The following ARHGAP8 variants were observed in gnomAD, a reference collection of about 807,000 sequenced individuals.
ARHGAP8 encodes the protein rho GTPase-activating protein 8.
A neutral mutation model predicts 46.1 loss-of-function variants in ARHGAP8; 62 were observed. The observed-to-expected ratio is 1.34, with a 90% CI of 1.10 to 1.66. The LOEUF is 1.66. ARHGAP8 is among the 40% of genes most tolerant of loss of function. The pLI, the probability that ARHGAP8 is intolerant of heterozygous loss-of-function variation, is 0.00. For synonymous variants in ARHGAP8, 375 were observed against 243.1 expected (o/e 1.54, Z -5.05); for missense variants, 923 against 568.4 (o/e 1.62, Z -6.34).
intron 4 of ARHGAP8, among the ~76,000 whole-genome samples, chr22:44,814,073 G>A (rs1929561866): frequency 6.6e-6 from 1 of 152,132 alleles, no homozygotes; most frequent in Admixed American, 6.5e-5. Context: ...TCCCCACCCT[G>A]GTTGGCTGCC....
chr22:44,804,533 C>A (rs1928800480), intron 3 of ARHGAP8, among the ~76,000 whole-genome samples: 1 of 152,210 alleles, frequency 6.6e-6, no homozygotes, highest in South Asian at 2.1e-4. Flanking sequence ...TCCCTGGAAA[C>A]ATTTATGTGC....
At chr22:44,858,626 C>A (rs1416420885) in intron 10 of ARHGAP8, among the ~76,000 whole-genome samples, 1 of 149,248 alleles carries the variant, frequency 6.7e-6, no homozygotes, top group Non-Finnish European at 1.5e-5. Flanking sequence ...CTGCCTCGGC[C>A]TCCCAAAGTG....
At chr22:44,785,160 T>C (rs2147044376) in intron 1 of ARHGAP8, among the ~76,000 whole-genome samples, 1 of 152,266 alleles carries the variant, frequency 6.6e-6, no homozygotes, top group Non-Finnish European at 1.5e-5. Context: ...CAAACCTGAC[T>C]TTGCATCAGA....
chr22:44,768,482 A>G (rs1009036442), intron 1 of ARHGAP8, among the ~76,000 whole-genome samples: 1 of 126,364 alleles, frequency 7.9e-6, no homozygotes, highest in South Asian at 2.4e-4. Context: ...TTTTTTTTTT[A>G]TCTTGTAGAG....
intron 10 of ARHGAP8, 195 bp downstream of exon 10, chr22:44,849,255 C>T (rs891732458): frequency 3.0e-5 from 32 of 1,071,386 alleles, no homozygotes; most frequent in Admixed American, 1.4e-4. Context: ...CCACACTGTC[C>T]AAAGGCAGAG....
intron 1 of ARHGAP8, among the ~76,000 whole-genome samples, chr22:44,774,574 G>A (rs1926280185): frequency 6.8e-6 from 1 of 146,862 alleles, no homozygotes; most frequent in African/African-American, 2.5e-5. Flanking sequence ...CCAGGCTGGA[G>A]TGCAATGGCA....
intron 4 of ARHGAP8, among the ~76,000 whole-genome samples, chr22:44,810,040 C>T (rs934526825): frequency 2.0e-5 from 3 of 152,264 alleles, no homozygotes; most frequent in African/African-American, 4.8e-5. Context: ...CAGCGCATGT[C>T]CTCCTCCAGG....
intron 2 of ARHGAP8, among the ~76,000 whole-genome samples, chr22:44,790,282 C>T (rs1224885951): frequency 6.6e-6 from 1 of 151,968 alleles, no homozygotes; most frequent in Admixed American, 6.6e-5. Context: ...TTAAAAACGT[C>T]CAGCTGGTGG....
chr22:44,792,495 G>A (rs1394024209), intron 2 of ARHGAP8, among the ~76,000 whole-genome samples: 4 of 152,132 alleles, frequency 2.6e-5, no homozygotes, highest in African/African-American at 9.7e-5. Flanking sequence ...GGCCCAGGGG[G>A]ACAGTTCAGG....
chr22:44,860,583 A>C (rs558731554), intron 11 of ARHGAP8, among the ~76,000 whole-genome samples: 2 of 152,148 alleles, frequency 1.3e-5, no homozygotes, highest in South Asian at 4.2e-4. Context: ...GTTCCAAATA[A>C]GGTCACAGTC....
intron 10 of ARHGAP8, among the ~76,000 whole-genome samples, chr22:44,858,302 CAT>C (rs1445703163): frequency 6.6e-6 from 1 of 150,640 alleles, no homozygotes; most frequent in African/African-American, 2.5e-5. Flanking sequence ...TGAGTGCACA[CAT>C]GTGCATACAT....
intron 7 of ARHGAP8, among the ~76,000 whole-genome samples, chr22:44,826,541 T>C (rs1462610419): frequency 6.6e-6 from 1 of 152,002 alleles, no homozygotes; most frequent in Admixed American, 6.6e-5. Flanking sequence ...TCTCCTGCCT[T>C]AGCCTCCTGA....
At chr22:44,822,736 G>C (rs2147117783) in intron 6 of ARHGAP8, among the ~76,000 whole-genome samples, 1 of 152,314 alleles carries the variant, frequency 6.6e-6, no homozygotes, top group Non-Finnish European at 1.5e-5. Context: ...GCCCTAACAT[G>C]GCAACGGCCG....
Position 44,811,309 on chromosome 22 carries a change from C to T in ARHGAP8, c.299+2871C>T, listed in dbSNP as rs141895889. On this transcript the variant is annotated intron_variant, in intron 4 of 11. Coordinates refer to ENST00000356099, the MANE Select transcript of ARHGAP8 (RefSeq NM_181335.3). ...TGAGCAGTGACAAAGCCAAAGGTAA[C>T]GGCACCAGCCCGGGGAAGGAGGCCG... Among the ~76,000 whole-genome samples, 20 of 152,338 alleles carry T rather than the reference C, an allele frequency of 1.3e-4. No homozygotes were observed. The East Asian group carries it at 1.9e-3, about 15-fold the overall frequency.
At chr22:44,784,630 A>G (rs5766004) in intron 1 of ARHGAP8, among the ~76,000 whole-genome samples, 134,183 of 152,116 alleles carry the variant, frequency 0.88, 59,495 homozygotes, top group Non-Finnish European at 0.94. Flanking sequence ...AGACAACTGT[A>G]CTTTGGGCCC....
chr22:44,862,552 C>A lies in ARHGAP8; in HGVS notation c.1259C>A (p.Thr420Asn). ...RTQATGLTKP[T>N]LPPSPLMAAR... is the part of the protein sequence containing the mutation. Reference sequence around the variant, plus strand: ...CAAGCCACGGGCCTCACCAAGCCTACCCTACCTCCGAGTCCCCTGATGGCA... The same window carrying A: ...CAAGCCACGGGCCTCACCAAGCCTAACCTACCTCCGAGTCCCCTGATGGCA... Residue 420 changes from threonine to asparagine, a missense_variant, in exon 12 of 12, where the codon ACC (threonine) becomes AAC (asparagine). Transcript: ENST00000356099. 6.2e-7 allele frequency: 1 copy of A among 1,601,424 alleles called. No individual in the cohort carries two copies. Among genetic ancestry groups the A allele is most frequent in the Non-Finnish European group, 8.5e-7 (1 of 1,170,244 alleles).
chr22:44,848,357 G>T (rs977366995), intron 9 of ARHGAP8, among the ~76,000 whole-genome samples: 1 of 75,108 alleles, frequency 1.3e-5, no homozygotes, highest in Non-Finnish European at 2.4e-5. Context: ...GTGCAGGGAA[G>T]CTGGTTTTTT....
At chr22:44,789,584 A>G (rs563337606) in intron 2 of ARHGAP8, among the ~76,000 whole-genome samples, 47 of 151,848 alleles carry the variant, frequency 3.1e-4, no homozygotes, top group African/African-American at 1.1e-3. Flanking sequence ...TACAGCCTCT[A>G]CCTCCCTCGG....
chr22:44,815,565 G>T (rs1431830133), intron 5 of ARHGAP8, among the ~76,000 whole-genome samples: 1 of 152,092 alleles, frequency 6.6e-6, no homozygotes, highest in Admixed American at 6.5e-5. Flanking sequence ...AACGTGTGGG[G>T]CTTGGACACC....
Sources: allele counts gnomAD v4.1 joint callset (sites outside exome capture counted in the v4.1 genomes callset), GRCh38; gene constraint gnomAD v4.1.1; transcripts MANE v1.5; gene names NCBI Gene and HGNC (gene_info 2026-07-23, HGNC 2026-07-21).